FAM184B: variants seen among roughly 807,000 people sequenced by gnomAD.
FAM184B encodes the protein family with sequence similarity 184 member B, also known as protein FAM184B.
A neutral mutation model predicts 135.9 loss-of-function variants in FAM184B; 111 were observed. The ratio of observed to expected loss-of-function variants is 0.82; its 90% CI spans 0.70 to 0.96. The LOEUF (loss-of-function observed/expected upper bound fraction) is 0.96. Ranked by LOEUF, FAM184B falls within the 40% of genes least tolerant of loss-of-function variation. The pLI is 0.00. For synonymous variants in FAM184B, 552 were observed against 524.8 expected, an observed-to-expected ratio of 1.05 and a Z score of -0.71; for missense variants, 1,375 against 1,323.9, an observed-to-expected ratio of 1.04 and a Z score of -0.60.
intron 1 of FAM184B, among the ~76,000 whole-genome samples, chr4:17,776,416 T>A (rs1267804514): frequency 6.6e-6 from 1 of 152,180 alleles, no homozygotes; most frequent in Non-Finnish European, 1.5e-5. Flanking sequence ...GGAATGGAGT[T>A]TCACTCTTGT....
In FAM184B at chr4:17,720,656, G is replaced by A. The variant is rs574715687; in HGVS notation, c.142-11012C>T. ...TAATCCCAGCACTTTGGGAGGCTGA[G>A]GGGGGCAGATCATGAGGTCAGGAGT... On this transcript the variant is annotated intron_variant, in intron 1 of 17. Coordinates refer to ENST00000265018, the MANE Select transcript of FAM184B (RefSeq NM_015688.2). 1.3e-3 allele frequency among the ~76,000 whole-genome samples: 194 copies of A among 151,714 alleles called. 1 individual carries two copies. The highest frequency in any genetic ancestry group is 3.4e-3 in the Middle Eastern group (1 of 294).
At chr4:17,651,537 CAAAAAAAAAAA>C (rs751455835) in intron 11 of FAM184B, among the ~76,000 whole-genome samples, 3 of 43,118 alleles carry the variant, frequency 7.0e-5, no homozygotes, top group South Asian at 3.6e-3. Context: ...GACTCTGTCT[CAAAAAAAAAAA>C]AAAAAAAAAA....
intron 10 of FAM184B, among the ~76,000 whole-genome samples, chr4:17,657,105 T>A (rs1023702313): frequency 2.0e-5 from 3 of 152,248 alleles, no homozygotes; most frequent in Admixed American, 2.0e-4. Context: ...TGAATTATTA[T>A]GATTGAACTT....
At chr4:17,730,517 A>T (rs1717752455) in intron 1 of FAM184B, among the ~76,000 whole-genome samples, 1 of 152,206 alleles carries the variant, frequency 6.6e-6, no homozygotes, top group Non-Finnish European at 1.5e-5. Flanking sequence ...GCCAGAGAGA[A>T]AGGTCAGGTT....
At chr4:17,721,125 C>T (rs1451178532) in intron 1 of FAM184B, among the ~76,000 whole-genome samples, 2 of 151,254 alleles carry the variant, frequency 1.3e-5, no homozygotes, top group African/African-American at 4.9e-5. Flanking sequence ...TGGCTTACGC[C>T]TGTAATCCCA....
intron 7 of FAM184B, among the ~76,000 whole-genome samples, chr4:17,677,103 A>G (rs1447107435): frequency 6.6e-6 from 1 of 152,202 alleles, no homozygotes; most frequent in African/African-American, 2.4e-5. Context: ...GCTGGAGTAC[A>G]GTGGCACAAT....
intron 5 of FAM184B, among the ~76,000 whole-genome samples, chr4:17,701,485 T>C (rs957018382): frequency 6.6e-6 from 1 of 152,222 alleles, no homozygotes; most frequent in African/African-American, 2.4e-5. Flanking sequence ...GTCATTCATT[T>C]TGGCTGCCAA....
At chr4:17,694,027 G>A (rs568060149) in intron 5 of FAM184B, among the ~76,000 whole-genome samples, 1 of 152,252 alleles carries the variant, frequency 6.6e-6, no homozygotes, top group Non-Finnish European at 1.5e-5. Context: ...CCTCACCACA[G>A]CCCATGAGCC....
chr4:17,755,212 G>A (rs1271721279), intron 1 of FAM184B, among the ~76,000 whole-genome samples: 1 of 152,026 alleles, frequency 6.6e-6, no homozygotes. Context: ...AACTCATGAT[G>A]TAATTTATCT....
In FAM184B at chr4:17,638,134, C is replaced by CTTTTT. The variant is rs56926847; in HGVS notation, c.2666+1111_2666+1115dup. Among the ~76,000 whole-genome samples, 102 of 73,388 alleles carry CTTTTT rather than the reference C, an allele frequency of 1.4e-3. 1 individual carries two copies. Among genetic ancestry groups the CTTTTT allele is most frequent in the South Asian group, 4.2e-3 (6 of 1,438 alleles). The allele number at this position is 73,388 out of a possible 152,430, so 48.1% of individuals were successfully genotyped here. ...CGCCTGGTATGATGTTAACTGTTTG[C>CTTTTT]TTTTTTTTTTTTTTTTTTTTTTTTT... On this transcript the variant is annotated intron_variant, in intron 14 of 17. Coordinates refer to ENST00000265018, the MANE Select transcript of FAM184B (RefSeq NM_015688.2).
chr4:17,705,179 C>G lies in FAM184B; in HGVS notation c.1198G>C (p.Glu400Gln). ...QTKKEASAET[E>Q]YMKQQYEEDL... is the part of the protein sequence containing the mutation. The stretch of plus-strand genomic sequence containing the variant: ...TCTTCATATTGTTGCTTCATATATT[C>G]TGTCTCAGCACTTGCCTCTTTCTTG... The change falls in exon 5 of 18, where the codon GAA (glutamate) becomes CAA (glutamine). Residue 400 changes from glutamate (E) to glutamine (Q), a missense_variant. Physicochemically the swap from Glu to Gln is conservative, Grantham distance 29 (BLOSUM62 2). Coordinates refer to ENST00000265018, the MANE Select transcript of FAM184B (RefSeq NM_015688.2). 6.4e-7 allele frequency: 1 copy of G among 1,551,828 alleles called. No homozygotes were observed. The highest frequency in any genetic ancestry group is 8.7e-7 in the Non-Finnish European group (1 of 1,147,036).
rs556821327 is a variant in FAM184B at position 17,665,212 on chromosome 4, G to A, written c.1597-553C>T. Reference sequence around the variant, plus strand: ...CGTTTAAGAGTTTGTAGTCTGCTGTGTCCCATTATGTAGAATCAGAAAACA... The same window carrying A: ...CGTTTAAGAGTTTGTAGTCTGCTGTATCCCATTATGTAGAATCAGAAAACA... On this transcript the variant is annotated intron_variant, in intron 7 of 17. Coordinates refer to ENST00000265018, the MANE Select transcript of FAM184B (RefSeq NM_015688.2). 5.9e-5 allele frequency among the ~76,000 whole-genome samples: 9 copies of A among 152,268 alleles called. No individual in the cohort carries two copies. The South Asian group carries it at 1.9e-3, about 32-fold the overall frequency.
At chr4:17,710,487 A>G (rs1349623315) in intron 1 of FAM184B, among the ~76,000 whole-genome samples, 2 of 152,264 alleles carry the variant, frequency 1.3e-5, no homozygotes, top group Non-Finnish European at 2.9e-5. Flanking sequence ...ATTTGACAAA[A>G]TTAAACATCT....
chr4:17,680,708 A>G (rs746555605), intron 7 of FAM184B, among the ~76,000 whole-genome samples: 1 of 152,032 alleles, frequency 6.6e-6, no homozygotes, highest in African/African-American at 2.4e-5. Flanking sequence ...AAATAAATAG[A>G]TCTGCTTCTC....
intron 11 of FAM184B, among the ~76,000 whole-genome samples, chr4:17,650,041 ACCATCTGCCCAT>A (rs765482081): frequency 1.3e-4 from 19 of 147,284 alleles, no homozygotes; most frequent in Admixed American, 2.0e-4. Flanking sequence ...TGTCTGCCCA[ACCATCTGCCCAT>A]CCACACATCT....
At chr4:17,695,309 C>A (rs940457061) in intron 5 of FAM184B, among the ~76,000 whole-genome samples, 1 of 152,062 alleles carries the variant, frequency 6.6e-6, no homozygotes, top group Non-Finnish European at 1.5e-5. Context: ...ACTACAGGTG[C>A]ATGCCACCAT....
rs183339493 is a variant in FAM184B at position 17,658,301 on chromosome 4, C to A, written c.2037+49G>T. The A allele has an allele frequency of 1.2e-4, 181 of 1,517,756 alleles. No individual in the cohort carries two copies. The Admixed American group carries it at 3.4e-3, about 29-fold the overall frequency. The allele number at this position is 1,517,756 out of a possible 1,614,324, so 94.0% of individuals were successfully genotyped here. ...GGACGGCTTTGTGCATGGCAGTTCT[C>A]ACCTAGCAGGTGCCCGGCACAGAGT... On this transcript the variant is annotated intron_variant, in intron 10 of 17. Coordinates refer to ENST00000265018, the MANE Select transcript of FAM184B (RefSeq NM_015688.2).
At chr4:17,698,096 A>G (rs1293106031) in intron 5 of FAM184B, among the ~76,000 whole-genome samples, 1 of 152,142 alleles carries the variant, frequency 6.6e-6, no homozygotes. Flanking sequence ...AAACAAACAA[A>G]AAAACAATAA....
chr4:17,757,630 T>C (rs1718451545), intron 1 of FAM184B, among the ~76,000 whole-genome samples: 1 of 152,190 alleles, frequency 6.6e-6, no homozygotes, highest in Non-Finnish European at 1.5e-5. Context: ...GGAATAGATA[T>C]GGATAGAAAT....
Sources: gnomAD v4.1 joint callset for allele counts (sites outside exome capture counted in the v4.1 genomes callset) on GRCh38, gnomAD v4.1.1 for gene constraint, MANE v1.5 for transcripts, NCBI Gene and HGNC (gene_info 2026-07-23, HGNC 2026-07-21) for gene names.